CCSER1: variants seen among roughly 807,000 people sequenced by gnomAD.
The protein encoded by CCSER1 is serine-rich coiled-coil domain-containing protein 1.
CCSER1 carries 41 observed loss-of-function variants against 82.0 expected under a neutral mutation model. The ratio of observed to expected loss-of-function variants is 0.50; its 90% CI spans 0.39 to 0.65. The LOEUF is 0.65. Among genes scored for constraint, CCSER1 ranks in the 30% least tolerant of loss-of-function variants. The probability of loss-of-function intolerance (pLI) is 0.00; values close to 1 mark genes in which losing one functional copy is unlikely to be tolerated. For missense variants in CCSER1, 1,119 were observed against 1,064.2 expected, an observed-to-expected ratio of 1.05 and a Z score of -0.72; for synonymous variants, 414 against 383.9, an observed-to-expected ratio of 1.08 and a Z score of -0.92.
chr4:90,219,359 C>A (rs1182803592), intron 1 of CCSER1, among the ~76,000 whole-genome samples: 3 of 152,102 alleles, frequency 2.0e-5, no homozygotes, highest in African/African-American at 7.2e-5. Flanking sequence ...ATTCTCTTAT[C>A]AGGTTATTTT....
Position 90,903,690 on chromosome 4 carries a change from T to G in CCSER1, c.2095-19680T>G, listed in dbSNP as rs75382641. Among the ~76,000 whole-genome samples the G allele has an allele frequency of 1.6e-3, 250 of 152,138 alleles. 4 individuals are homozygous for G. The highest frequency in any genetic ancestry group is 5.7e-3 in the African/African-American group (236 of 41,526). On this transcript the variant is annotated intron_variant, in intron 8 of 10. Transcript: ENST00000509176. ...AACAGATCTACTTCAATACAAAAAT[T>G]AGCCAGATGCATTGGCAGGTGCCTG...
chr4:90,692,819 T>C (rs1016498516), intron 6 of CCSER1, among the ~76,000 whole-genome samples: 5 of 152,006 alleles, frequency 3.3e-5, no homozygotes, highest in African/African-American at 4.8e-5. Context: ...AATAAAAGAG[T>C]ATCAAATTAA....
At chr4:90,461,752 C>T (rs1762959042) in intron 4 of CCSER1, among the ~76,000 whole-genome samples, 1 of 152,162 alleles carries the variant, frequency 6.6e-6, no homozygotes, top group Non-Finnish European at 1.5e-5. Flanking sequence ...GCCTGGCACT[C>T]TACTAAGTAA....
chr4:90,266,714 C>T (rs1396416949), intron 1 of CCSER1, among the ~76,000 whole-genome samples: 1 of 151,938 alleles, frequency 6.6e-6, no homozygotes, highest in Non-Finnish European at 1.5e-5. Context: ...TCAGCTGGTA[C>T]CCATGGAGGG....
intron 10 of CCSER1, among the ~76,000 whole-genome samples, chr4:91,215,353 A>G (rs1226586663): frequency 3.3e-5 from 5 of 152,204 alleles, no homozygotes; most frequent in Non-Finnish European, 2.9e-5. Context: ...TTAATGTATT[A>G]GGGTTCTCTA....
intron 9 of CCSER1, among the ~76,000 whole-genome samples, chr4:90,953,912 A>G (rs966570695): frequency 2.5e-3 from 15 of 6,060 alleles, no homozygotes; most frequent in African/African-American, 3.9e-3. Flanking sequence ...CAATAAGAGA[A>G]AAATTACAAA....
chr4:91,474,567 C>T lies in CCSER1; in HGVS notation c.2218-124005C>T, dbSNP rs577770639. On this transcript the variant is annotated intron_variant, in intron 10 of 10. Transcript: ENST00000509176. ...ACTAATGCCAATGAGGAATACAAGT[C>T]GCAAACCAAGATTTGATAGTAGTTC... Among the ~76,000 whole-genome samples the T allele has an allele frequency of 7.3e-5, 11 of 151,256 alleles. No homozygotes were observed. The East Asian group carries it at 1.4e-3, about 19-fold the overall frequency.
At chr4:91,239,102 A>G (rs1337712469) in intron 10 of CCSER1, among the ~76,000 whole-genome samples, 1 of 150,792 alleles carries the variant, frequency 6.6e-6, no homozygotes, top group Non-Finnish European at 1.5e-5. Flanking sequence ...TGGTATTACA[A>G]GCGTGAGCCA....
chr4:90,806,738 C>T (rs896783291), intron 7 of CCSER1, among the ~76,000 whole-genome samples: 1 of 152,118 alleles, frequency 6.6e-6, no homozygotes, highest in Non-Finnish European at 1.5e-5. Context: ...AAGAGCCAAC[C>T]CACTTTTGCT....
chr4:90,882,778 C>T (rs186060574), intron 8 of CCSER1, among the ~76,000 whole-genome samples: 14 of 151,820 alleles, frequency 9.2e-5, no homozygotes, highest in East Asian at 3.9e-4. Context: ...GCCAGGCTTC[C>T]CCCCTCAAAT....
At chr4:90,641,963 A>G in intron 6 of CCSER1, 1 of 345,114 alleles carries the variant, frequency 2.9e-6, no homozygotes. Flanking sequence ...TCCAGCATTA[A>G]TGTTTCACTT....
In CCSER1 at chr4:90,308,650, A is replaced by G; in HGVS notation, c.366A>G (p.Ser122=). The G allele has an allele frequency of 6.2e-7, 1 of 1,613,758 alleles. No homozygotes were observed. The highest frequency in any genetic ancestry group is 8.5e-7 in the Non-Finnish European group (1 of 1,179,848). Residue 122 remains serine, a synonymous_variant, in exon 2 of 11, where the codon TCA becomes TCG. Coordinates refer to ENST00000509176, the MANE Select transcript of CCSER1 (RefSeq NM_001145065.2). ...GACATTCTGTTGGTTTTAGTAGTTC[A>G]CGAAATAAGAAGATAACAAGATCTT... ...RGRHSVGFSS[S]RNKKITRSLT... is the part of the protein sequence containing the mutation.
intron 4 of CCSER1, among the ~76,000 whole-genome samples, chr4:90,426,702 TACTG>T (rs1438353223): frequency 6.6e-6 from 1 of 152,146 alleles, no homozygotes; most frequent in African/African-American, 2.4e-5. Context: ...TGAAATAAAA[TACTG>T]AGTATGTAAA....
chr4:91,394,497 C>A (rs17018434), intron 10 of CCSER1, among the ~76,000 whole-genome samples: 1 of 151,806 alleles, frequency 6.6e-6, no homozygotes, highest in African/African-American at 2.4e-5. Flanking sequence ...TTAATTAGTT[C>A]GGCAGATAAA....
chr4:91,385,441 G>T (rs1373740833), intron 10 of CCSER1, among the ~76,000 whole-genome samples: 1 of 152,026 alleles, frequency 6.6e-6, no homozygotes, highest in Non-Finnish European at 1.5e-5. Context: ...GCAGCATGGA[G>T]CAGGAGGAAC....
chr4:91,252,732 C>A (rs1740347766), intron 10 of CCSER1, among the ~76,000 whole-genome samples: 1 of 151,866 alleles, frequency 6.6e-6, no homozygotes, highest in South Asian at 2.1e-4. Context: ...TGAAGTTTAG[C>A]TAGAATAAAT....
chr4:90,728,561 G>T (rs547364438), intron 7 of CCSER1, among the ~76,000 whole-genome samples: 4 of 152,244 alleles, frequency 2.6e-5, no homozygotes, highest in Non-Finnish European at 4.4e-5. Flanking sequence ...TAGGCTGGGT[G>T]TAGTGGCTCA....
intron 9 of CCSER1, among the ~76,000 whole-genome samples, chr4:91,082,738 A>C (rs1398737300): frequency 6.6e-6 from 1 of 152,080 alleles, no homozygotes; most frequent in Non-Finnish European, 1.5e-5. Context: ...ACCCCATCAA[A>C]AAGTGGGCGA....
At chr4:90,393,900 C>T (rs1261222920) in intron 3 of CCSER1, among the ~76,000 whole-genome samples, 1 of 150,220 alleles carries the variant, frequency 6.7e-6, no homozygotes, top group Non-Finnish European at 1.5e-5. Context: ...TGCCTCAGCC[C>T]CCTGCGTAGC....
Sources: gnomAD v4.1 joint callset for allele counts (sites outside exome capture counted in the v4.1 genomes callset) on GRCh38, gnomAD v4.1.1 for gene constraint, MANE v1.5 for transcripts, NCBI Gene and HGNC (gene_info 2026-07-23, HGNC 2026-07-21) for gene names.